Variants in PDCD6IP observed in about 807,000 individuals in gnomAD.
PDCD6IP encodes programmed cell death 6 interacting protein, also known as programmed cell death 6-interacting protein.
Under a neutral mutation model 103.7 loss-of-function variants are expected in PDCD6IP, and 43 were observed. The ratio of observed to expected loss-of-function variants is 0.41; its 90% CI spans 0.32 to 0.53. The LOEUF is 0.53. Ranked by LOEUF, PDCD6IP falls within the 20% of genes least tolerant of loss-of-function variation. The pLI is 0.16. For synonymous variants in PDCD6IP, 354 were observed against 378.7 expected, an observed-to-expected ratio of 0.93 and a Z score of 0.76; for missense variants, 871 against 1,036.7, an observed-to-expected ratio of 0.84 and a Z score of 2.20.
chr3:33,814,709 A>G (rs2125548387), intron 3 of PDCD6IP, among the ~76,000 whole-genome samples: 1 of 146,230 alleles, frequency 6.8e-6, no homozygotes, highest in East Asian at 2.0e-4. Flanking sequence ...ATATGTATGT[A>G]TATATGTAAG....
intron 1 of PDCD6IP, among the ~76,000 whole-genome samples, chr3:33,802,381 G>C (rs1696495050): frequency 6.6e-6 from 1 of 152,088 alleles, no homozygotes; most frequent in Non-Finnish European, 1.5e-5. Context: ...TGTTAATAAG[G>C]AATAGGATAG....
chr3:33,803,742 CT>C (rs1310831767), intron 1 of PDCD6IP, among the ~76,000 whole-genome samples: 34 of 152,028 alleles, frequency 2.2e-4, no homozygotes, highest in Admixed American at 2.2e-3. Context: ...GCCACCTTTT[CT>C]TTGTTTAAAA....
chr3:33,840,981 T>C (rs1318444095), intron 9 of PDCD6IP, among the ~76,000 whole-genome samples: 6 of 152,058 alleles, frequency 3.9e-5, no homozygotes, highest in Admixed American at 3.3e-4. Flanking sequence ...AAGCCGACGA[T>C]ACCTAATATA....
chr3:33,839,313 A>G (rs1055292057), intron 9 of PDCD6IP, among the ~76,000 whole-genome samples: 4 of 152,224 alleles, frequency 2.6e-5, no homozygotes, highest in East Asian at 1.9e-4. Flanking sequence ...ATTCTAGCAT[A>G]TGCATATACA....
intron 10 of PDCD6IP, among the ~76,000 whole-genome samples, chr3:33,842,773 T>C (rs1697506128): frequency 1.3e-5 from 2 of 152,210 alleles, no homozygotes; most frequent in Non-Finnish European, 2.9e-5. Context: ...GAAATTGACA[T>C]TGGTACAGTA....
chr3:33,845,498 T>G lies in PDCD6IP; in HGVS notation c.1551T>G (p.Arg517=). The change falls in exon 12 of 18, where the codon CGT becomes CGG. Residue 517 remains arginine, a synonymous_variant. Coordinates refer to ENST00000307296, the MANE Select transcript of PDCD6IP (RefSeq NM_013374.6). ...TGAAAGAATGTTACCAGTCTCATCG[T>G]GACACCATCGTGCTTTTGTGTAAGC... ...GQVKECYQSH[R]DTIVLLCKPE... 1 of 1,613,978 alleles carries G rather than the reference T, an allele frequency of 6.2e-7. No individual in the cohort carries two copies. Among genetic ancestry groups the G allele is most frequent in the Admixed American group, 1.7e-5 (1 of 60,020 alleles).
intron 16 of PDCD6IP, among the ~76,000 whole-genome samples, chr3:33,864,709 C>A (rs532189103): frequency 6.6e-6 from 1 of 152,016 alleles, no homozygotes; most frequent in Non-Finnish European, 1.5e-5. Flanking sequence ...GGAGAATATC[C>A]TTATGAGAAC....
At chr3:33,818,642 C>G (rs939685131) in intron 3 of PDCD6IP, among the ~76,000 whole-genome samples, 1 of 150,618 alleles carries the variant, frequency 6.6e-6, no homozygotes, top group Non-Finnish European at 1.5e-5. Context: ...CGTCAGCTTT[C>G]CGAGTAGCTG....
intron 3 of PDCD6IP, among the ~76,000 whole-genome samples, chr3:33,820,356 C>T (rs953433670): frequency 6.6e-6 from 1 of 152,038 alleles, no homozygotes; most frequent in Non-Finnish European, 1.5e-5. Context: ...TTCTTTCAGT[C>T]TCTGAATTAA....
At chr3:33,802,584 G>C (rs946469765) in intron 1 of PDCD6IP, among the ~76,000 whole-genome samples, 1 of 151,622 alleles carries the variant, frequency 6.6e-6, no homozygotes, top group Admixed American at 6.6e-5. Context: ...CCGCCTCTCG[G>C]GTTCAAACGA....
chr3:33,823,566 G>A (rs80157545), intron 4 of PDCD6IP, among the ~76,000 whole-genome samples: 44,427 of 152,024 alleles, frequency 0.29, 6,729 homozygotes, highest in East Asian at 0.41. Flanking sequence ...TGCGGATCAC[G>A]AGGTCAGGAG....
At chr3:33,835,882 T>C (rs1001699107) in intron 7 of PDCD6IP, among the ~76,000 whole-genome samples, 162 bp from the exon 8 acceptor site, 8 of 152,224 alleles carry the variant, frequency 5.3e-5, no homozygotes, top group African/African-American at 9.6e-5. Flanking sequence ...TATTTTGTGA[T>C]CGGAGAATTT....
intron 6 of PDCD6IP, chr3:33,827,934 C>A (rs1248748423): frequency 6.6e-6 from 1 of 152,088 alleles, no homozygotes. Context: ...GGAAATTATT[C>A]CCTGGGAGAC....
At chr3:33,866,134 A>G (rs1698058438) in intron 17 of PDCD6IP, among the ~76,000 whole-genome samples, 1 of 152,104 alleles carries the variant, frequency 6.6e-6, no homozygotes, top group Non-Finnish European at 1.5e-5. Flanking sequence ...ATTTTTGGAT[A>G]GTATTAAACA....
intron 1 of PDCD6IP, among the ~76,000 whole-genome samples, chr3:33,809,575 A>G (rs982540387): frequency 1.3e-5 from 2 of 152,202 alleles, no homozygotes; most frequent in African/African-American, 4.8e-5. Flanking sequence ...CTGAGTACAA[A>G]GATATTCTCC....
At chr3:33,803,511 G>A (rs1696521548) in intron 1 of PDCD6IP, among the ~76,000 whole-genome samples, 1 of 152,018 alleles carries the variant, frequency 6.6e-6, no homozygotes, top group South Asian at 2.1e-4. Flanking sequence ...AGGAGTTGTA[G>A]CATTTTCTGG....
intron 8 of PDCD6IP, among the ~76,000 whole-genome samples, chr3:33,837,046 A>G (rs912687689): frequency 6.6e-6 from 1 of 150,536 alleles, no homozygotes; most frequent in Non-Finnish European, 1.5e-5. Flanking sequence ...TCAGCCTCCC[A>G]AGTAGCTGGG....
rs368086022 is a variant in PDCD6IP, at chr3:33,798,851, C to A, written c.123C>A (p.Arg41=). Residue 41 remains arginine (R), a synonymous_variant, in exon 1 of 18, where the codon CGC becomes CGA. Transcript: ENST00000307296. ...GGGAAGAGCAGGCCCAGTACTGCCGCGCGGCGGAGGAGCTCAGCAAGCTGC... is the reference window on the plus strand; with the variant it reads ...GGGAAGAGCAGGCCCAGTACTGCCGAGCGGCGGAGGAGCTCAGCAAGCTGC... ...SGGEEQAQYC[R]AAEELSKLRR... is the part of the protein sequence containing the mutation. The A allele has an allele frequency of 1.9e-4, 301 of 1,554,142 alleles. No homozygotes were observed. Among genetic ancestry groups the A allele is most frequent in the Non-Finnish European group, 2.5e-4 (283 of 1,148,768 alleles).
chr3:33,838,330 A>G lies in PDCD6IP; in HGVS notation c.1181+3A>G. On this transcript the variant is annotated splice_donor_region_variant and intron_variant, in intron 9 of 17. Coordinates refer to ENST00000307296, the MANE Select transcript of PDCD6IP (RefSeq NM_013374.6). The stretch of plus-strand genomic sequence containing the variant: ...GAAGCCACCACTTTGGCAAATGGGT[A>G]GGTAGAGCTTAATTTTAGAGCCTAA... The G allele has an allele frequency of 5.6e-6, 9 of 1,607,092 alleles. No individual in the cohort carries two copies. Among genetic ancestry groups the G allele is most frequent in the South Asian group, 1.1e-5 (1 of 90,120 alleles).
Sources: allele counts gnomAD v4.1 joint callset (sites outside exome capture counted in the v4.1 genomes callset), GRCh38; gene constraint gnomAD v4.1.1; transcripts MANE v1.5; gene names NCBI Gene and HGNC (gene_info 2026-07-23, HGNC 2026-07-21).